The following CFAP99 variants were observed in gnomAD, a reference collection of about 807,000 sequenced individuals.
CFAP99 encodes cilia- and flagella-associated protein 99.
In CFAP99, 84 loss-of-function variants were observed where a neutral mutation model predicts 82.7. The observed-to-expected ratio is 1.02, with a 90% CI of 0.85 to 1.22. The LOEUF is 1.22. Among genes scored for constraint, CFAP99 ranks in the 50% most tolerant of loss-of-function variants. CFAP99 has a pLI of 0.00. For synonymous variants in CFAP99, 456 were observed against 429.5 expected (o/e 1.06, Z -0.76); for missense variants, 1,059 against 983.5 (o/e 1.08, Z -1.03).
chr4:2,437,126 T>C, intron 3 of CFAP99, 108 bp downstream of exon 3: 2 of 1,339,392 alleles, frequency 1.5e-6, no homozygotes, highest in Non-Finnish European at 2.0e-6. Context: ...CAGCTCCTCC[T>C]TCCTGCCCTT....
intron 2 of CFAP99, among the ~76,000 whole-genome samples, chr4:2,429,852 A>G (rs1483958586): frequency 1.3e-5 from 2 of 152,128 alleles, no homozygotes; most frequent in African/African-American, 4.8e-5. Context: ...CGGCCTCCCA[A>G]GGTGCTGGGA....
At chr4:2,449,873 A>G in intron 7 of CFAP99, 61 bp from the exon 8 acceptor site, 5 of 1,530,292 alleles carry the variant, frequency 3.3e-6, no homozygotes, top group East Asian at 2.4e-5. Flanking sequence ...TCGTCCTCCC[A>G]TGGCCTGGAG....
chr4:2,447,814 ATGGATGGG>A (rs1394685859), intron 6 of CFAP99, among the ~76,000 whole-genome samples: 132 of 64,610 alleles, frequency 2.0e-3, no homozygotes, highest in African/African-American at 8.6e-3. Context: ...GAATTAATGG[ATGGATGGG>A]TGGGTGGGTG....
In CFAP99 at chr4:2,446,400, T is replaced by TATG. The variant is rs1379738312; in HGVS notation, c.642+1094_642+1095insGAT. ...TTATTATTATTATTATTATTATTAT[T>TATG]ATTATTATTTGAGACAGAGTCTCGC... is the stretch of plus-strand genomic sequence containing the variant. On this transcript the variant is annotated intron_variant, in intron 6 of 14. Transcript: ENST00000635017. The surrounding 1 kb of genome is among the most constrained non-coding windows in gnomAD (Gnocchi z 5.0). Among the ~76,000 whole-genome samples, 7 of 73,596 alleles carry TATG rather than the reference T, an allele frequency of 9.5e-5. No homozygotes were observed. The highest frequency in any genetic ancestry group is 3.6e-4 in the African/African-American group (7 of 19,502). 48.3% of individuals were successfully genotyped at this position (73,596 alleles called of 152,430 possible).
At chr4:2,434,719 C>T (rs1211290817) in intron 2 of CFAP99, among the ~76,000 whole-genome samples, 1 of 152,098 alleles carries the variant, frequency 6.6e-6, no homozygotes, top group Non-Finnish European at 1.5e-5. Flanking sequence ...AAAGGCGCAT[C>T]CCCCAATCTT....
intron 11 of CFAP99, 96 bp downstream of exon 11, chr4:2,452,442 T>C (rs1734328102): frequency 6.2e-6 from 8 of 1,285,610 alleles, no homozygotes; most frequent in Admixed American, 2.1e-5. Flanking sequence ...GAGCTGAGTG[T>C]CCACAGCGCC....
At chr4:2,457,346 C>A (rs564689325) in intron 11 of CFAP99, among the ~76,000 whole-genome samples, 1 of 152,350 alleles carries the variant, frequency 6.6e-6, no homozygotes, top group South Asian at 2.1e-4. Flanking sequence ...TCCATGTGTT[C>A]TACCTTCATT....
At position 2,462,901 on chromosome 4, in the gene CFAP99, C is replaced by T. The variant is rs1383358633; in HGVS notation, c.2120C>T (p.Pro707Leu). ...CAGCAGGGAGGCTCAGGACCCGGGCCCGCGCGCCGCCTGGAGGCCGCCTGA... is the reference window on the plus strand; with the variant it reads ...CAGCAGGGAGGCTCAGGACCCGGGCTCGCGCGCCGCCTGGAGGCCGCCTGA... The change falls in exon 15 of 15, where the codon CCC becomes CTC. Residue 707 changes from proline (P) to leucine (L), a missense_variant. Coordinates refer to ENST00000635017, the Ensembl canonical transcript of CFAP99. This position sits in a 1 kb window ranked among gnomAD's most constrained non-coding sequence, Gnocchi z 4.1. The T allele has an allele frequency of 2.3e-6, 3 of 1,318,222 alleles. No homozygotes were observed. The allele number at this position is 1,318,222 out of a possible 1,614,324, so 81.7% of individuals were successfully genotyped here.
At chr4:2,423,146 C>G (rs945162970) in intron 1 of CFAP99, among the ~76,000 whole-genome samples, 1 of 152,232 alleles carries the variant, frequency 6.6e-6, no homozygotes, top group African/African-American at 2.4e-5. Flanking sequence ...ACAAGTCCCC[C>G]CTCCCCAAAG....
intron 5 of CFAP99, among the ~76,000 whole-genome samples, chr4:2,444,072 G>T (rs1266066408): frequency 6.6e-6 from 1 of 152,182 alleles, no homozygotes; most frequent in African/African-American, 2.4e-5. Context: ...CCGTTCCTGT[G>T]GGGAGAGGAG....
At chr4:2,442,615 C>T (rs935904510) in intron 4 of CFAP99, among the ~76,000 whole-genome samples, 6 of 152,180 alleles carry the variant, frequency 3.9e-5, no homozygotes, top group Non-Finnish European at 7.4e-5. Context: ...GGATGTGCTT[C>T]TGGGGCCGTC....
At chr4:2,439,383 G>A (rs1343602620) in intron 4 of CFAP99, among the ~76,000 whole-genome samples, 1 of 152,168 alleles carries the variant, frequency 6.6e-6, no homozygotes, top group African/African-American at 2.4e-5. Flanking sequence ...GAAGTGAGTG[G>A]GAAAGCCCCT....
chr4:2,440,087 C>CT (rs1382423510), intron 4 of CFAP99, among the ~76,000 whole-genome samples: 1 of 151,102 alleles, frequency 6.6e-6, no homozygotes, highest in Non-Finnish European at 1.5e-5. Flanking sequence ...GGTGATCCGC[C>CT]TGCCTCGGCC....
Position 2,443,205 on chromosome 4 carries a change from G to A in CFAP99, c.427G>A (p.Ala143Thr), listed in dbSNP as rs1355948455. The change falls in exon 5 of 15, where the codon GCC (alanine) becomes ACC (threonine). Residue 143 changes from alanine (A) to threonine (T), a missense_variant. Transcript: ENST00000635017. ...TGAGTGGAGCCTCATCTACGAGCCA[G>A]CCCACGTGAAGGAGAACTGGATCGA... 13 of 1,535,770 alleles carry A rather than the reference G, an allele frequency of 8.5e-6. No individual in the cohort carries two copies. In the East Asian group the frequency reaches 3.2e-4, roughly 38 times the overall value.
chr4:2,433,175 C>T (rs1028193646), intron 2 of CFAP99, among the ~76,000 whole-genome samples: 5 of 152,238 alleles, frequency 3.3e-5, no homozygotes, highest in African/African-American at 9.6e-5. Context: ...CTGCCCAACC[C>T]GCCTTGCCTG....
chr4:2,458,504 A>G (rs1403469810), intron 11 of CFAP99, among the ~76,000 whole-genome samples: 1 of 152,088 alleles, frequency 6.6e-6, no homozygotes, highest in Non-Finnish European at 1.5e-5. Flanking sequence ...CCAAGACCAC[A>G]CTGGGAGGAA....
At chr4:2,455,411 G>A (rs1389098041) in intron 11 of CFAP99, among the ~76,000 whole-genome samples, 3 of 152,102 alleles carry the variant, frequency 2.0e-5, no homozygotes, top group Non-Finnish European at 2.9e-5. Context: ...GGTGGCTCAC[G>A]CCTGTAATCT....
chr4:2,432,298 G>A lies in CFAP99; in HGVS notation c.112-4576G>A, dbSNP rs2108715146. Among the ~76,000 whole-genome samples the A allele has an allele frequency of 2.0e-5, 3 of 152,314 alleles. No homozygotes were observed. The South Asian group carries it at 6.2e-4, about 32-fold the overall frequency. ...CTTCCTTTCAAGGTGCTTTCTTGGAGGCCACACCTAGCAATTTGTCATTAC... is the reference window on the plus strand; with the variant it reads ...CTTCCTTTCAAGGTGCTTTCTTGGAAGCCACACCTAGCAATTTGTCATTAC... On this transcript the variant is annotated intron_variant, in intron 2 of 14. Transcript: ENST00000635017.
chr4:2,449,669 G>A lies in CFAP99; in HGVS notation c.643-1G>A, dbSNP rs1031684608. The A allele has an allele frequency of 1.1e-5, 17 of 1,535,972 alleles. No homozygotes were observed. The highest frequency in any genetic ancestry group is 3.9e-5 in the Admixed American group (2 of 50,978). ...GGCTCTTCCTCCCACCACTTCAGCA[G>A]GTCCCCCAGAGCACCTACCAGCCAC... On this transcript the variant is annotated splice_acceptor_variant, in intron 6 of 14. Coordinates refer to ENST00000635017, the Ensembl canonical transcript of CFAP99. LOFTEE classifies it high-confidence loss of function.
Sources: allele counts gnomAD v4.1 joint callset (sites outside exome capture counted in the v4.1 genomes callset), GRCh38; gene constraint gnomAD v4.1.1; non-coding constraint Gnocchi (gnomAD v3.1); transcripts MANE v1.5; gene names NCBI Gene and HGNC (gene_info 2026-07-23, HGNC 2026-07-21).